Variants in PCSK5 observed in about 807,000 individuals in gnomAD.
PCSK5 encodes the protein prohormone convertase 5.
A neutral mutation model predicts 233.2 loss-of-function variants in PCSK5; 129 were observed. The ratio of observed to expected loss-of-function variants is 0.55; its 90% confidence interval spans 0.48 to 0.64. The LOEUF (loss-of-function observed/expected upper bound fraction) is 0.64. PCSK5 is among the 30% of genes least tolerant of loss of function. The pLI, the probability that PCSK5 is intolerant of heterozygous loss-of-function variation, is 0.00. For synonymous variants in PCSK5, 825 were observed against 879.2 expected, an observed-to-expected ratio of 0.94 and a Z score of 1.09; for missense variants, 2,076 against 2,430.1, an observed-to-expected ratio of 0.85 and a Z score of 3.06.
intron 5 of PCSK5, among the ~76,000 whole-genome samples, chr9:76,056,242 C>T (rs892471848): frequency 6.6e-6 from 1 of 152,150 alleles, no homozygotes; most frequent in Non-Finnish European, 1.5e-5. Flanking sequence ...AATGCAATGT[C>T]AAGGGTAAAG....
chr9:76,143,546 C>A (rs1823314271), intron 10 of PCSK5, among the ~76,000 whole-genome samples: 1 of 142,550 alleles, frequency 7.0e-6, no homozygotes, highest in African/African-American at 2.7e-5. Context: ...ATGTGTGTAA[C>A]AAACTGACTG....
At chr9:75,950,272 A>G (rs1824795662) in intron 2 of PCSK5, among the ~76,000 whole-genome samples, 1 of 151,980 alleles carries the variant, frequency 6.6e-6, no homozygotes, top group Non-Finnish European at 1.5e-5. Context: ...TTGTGTAACA[A>G]GAGATATTAA....
chr9:76,193,469 GCTCTCTTTTTCTTT>G (rs917677316), intron 20 of PCSK5: 10 of 763,668 alleles, frequency 1.3e-5, no homozygotes, highest in African/African-American at 5.5e-5. Flanking sequence ...TTCTTTTCTT[GCTCTCTTTTTCTTT>G]CTCTCTCTCT....
rs1387321391 is a variant in PCSK5 at position 76,173,517 on chromosome 9, T to G, written c.1757-1469T>G. 5.2e-5 allele frequency among the ~76,000 whole-genome samples: 7 copies of G among 133,356 alleles called. No individual in the cohort carries two copies. The East Asian group carries it at 8.3e-4, about 16-fold the overall frequency. 87.5% of individuals were successfully genotyped at this position (133,356 alleles called of 152,430 possible). On this transcript the variant is annotated intron_variant, in intron 13 of 37. Transcript: ENST00000674117. ...TTTCCTTTTTTTTTTTTTTTTTTTT[T>G]TTTTTTTTTTTTTTTACTTTTTGCA...
chr9:76,012,853 C>T (rs1472374282), intron 3 of PCSK5, among the ~76,000 whole-genome samples: 1 of 152,156 alleles, frequency 6.6e-6, no homozygotes, highest in Non-Finnish European at 1.5e-5. Flanking sequence ...TTTTATATTA[C>T]TCCCTGTTTT....
chr9:76,090,011 A>T (rs945822242), intron 7 of PCSK5, among the ~76,000 whole-genome samples: 13 of 152,226 alleles, frequency 8.5e-5, no homozygotes, highest in African/African-American at 2.9e-4. Context: ...TCCTGCATGG[A>T]TTCCACAATA....
rs138220003 is a variant in PCSK5 at position 75,938,939 on chromosome 9, A to G, written c.297+6456A>G. ...TGCAACCTTAAAGTTATTTTTGATC[A>G]TCACCTTCTCAAGAAAGGAAAAACA... On this transcript the variant is annotated intron_variant, in intron 2 of 37. Coordinates refer to ENST00000674117, the MANE Select transcript of PCSK5 (RefSeq NM_001372043.1). 2.9e-3 allele frequency among the ~76,000 whole-genome samples: 437 copies of G among 152,312 alleles called. 3 individuals are homozygous for G. The highest frequency in any genetic ancestry group is 0.014 in the Middle Eastern group (4 of 294).
intron 12 of PCSK5, among the ~76,000 whole-genome samples, chr9:76,160,326 A>G (rs1587701625): frequency 6.6e-6 from 1 of 152,236 alleles, no homozygotes; most frequent in South Asian, 2.1e-4. Flanking sequence ...CATGGGAGAA[A>G]GTTGTTAGCA....
chr9:76,012,465 G>A (rs1016176980), intron 3 of PCSK5, among the ~76,000 whole-genome samples: 9 of 152,168 alleles, frequency 5.9e-5, no homozygotes, highest in South Asian at 2.1e-4. Context: ...CTACTCAACC[G>A]TAGGACTGTA....
chr9:76,086,463 C>T (rs1587608225), intron 7 of PCSK5, among the ~76,000 whole-genome samples: 1 of 152,208 alleles, frequency 6.6e-6, no homozygotes, highest in East Asian at 1.9e-4. Context: ...TCACCTGAGT[C>T]CTGCTGAGGC....
chr9:75,894,696 A>AG (rs1488799496), intron 1 of PCSK5, among the ~76,000 whole-genome samples: 1 of 152,036 alleles, frequency 6.6e-6, no homozygotes, highest in African/African-American at 2.4e-5. Flanking sequence ...CAGCCCTCTT[A>AG]GTATCTAGTG....
rs768913619 is a variant in PCSK5 at position 76,359,764 on chromosome 9, A to C, written c.*842A>C. On this transcript the variant is annotated 3_prime_UTR_variant, in exon 38 of 38. Transcript: ENST00000674117. Reference sequence around the variant, plus strand: ...AGAAAAATGGCAGTGTTAACCTAACATAAAATGGAATAAAATGACAAACAC... The same window carrying C: ...AGAAAAATGGCAGTGTTAACCTAACCTAAAATGGAATAAAATGACAAACAC... The C allele has an allele frequency of 6.6e-6, 1 of 152,188 alleles. No homozygotes were observed. The highest frequency in any genetic ancestry group is 1.5e-5 in the Non-Finnish European group (1 of 68,042). The allele number at this position is 152,188 out of a possible 1,614,324, so 9.4% of individuals were successfully genotyped here. A position where few individuals can be genotyped will look rare whatever the true frequency, so the allele number is the denominator to read the frequency against.
intron 5 of PCSK5, among the ~76,000 whole-genome samples, chr9:76,046,539 CTT>C (rs34569367): frequency 7.6e-6 from 1 of 131,912 alleles, no homozygotes; most frequent in African/African-American, 2.8e-5. Context: ...AACTCTAGTT[CTT>C]TTTTTTTCTT....
intron 20 of PCSK5, among the ~76,000 whole-genome samples, chr9:76,220,109 G>A (rs1825676273): frequency 6.6e-6 from 1 of 152,160 alleles, no homozygotes; most frequent in African/African-American, 2.4e-5. Flanking sequence ...CTGTCAAGAA[G>A]CATTTCACAC....
Position 76,302,127 on chromosome 9 carries a change from A to G in PCSK5, c.3524-10A>G. The G allele has an allele frequency of 7.9e-7, 1 of 1,259,770 alleles. No homozygotes were observed. The highest frequency in any genetic ancestry group is 1.0e-6 in the Non-Finnish European group (1 of 959,550). The allele number at this position is 1,259,770 out of a possible 1,614,324, so 78.0% of individuals were successfully genotyped here. A position where few individuals can be genotyped will look rare whatever the true frequency, so the allele number is the denominator to read the frequency against. On this transcript the variant is annotated splice_polypyrimidine_tract_variant and intron_variant, in intron 27 of 37. Transcript: ENST00000674117. The stretch of plus-strand genomic sequence containing the variant: ...AAAAAAACTAAACACTTTTTTTTTT[A>G]ATAAAAAAGAAGCTGTGTCCACTGC...
chr9:75,989,685 T>C (rs1429793447), intron 3 of PCSK5, among the ~76,000 whole-genome samples: 2 of 152,156 alleles, frequency 1.3e-5, no homozygotes. Flanking sequence ...CCTCTCTATG[T>C]GGGCCTCACC....
At chr9:76,206,043 G>T (rs780559018) in intron 20 of PCSK5, among the ~76,000 whole-genome samples, 14 of 152,222 alleles carry the variant, frequency 9.2e-5, no homozygotes, top group African/African-American at 2.9e-4. Flanking sequence ...ATAGAGCAAT[G>T]GCTGTCAGAC....
At chr9:76,113,935 A>G (rs1832325475) in intron 9 of PCSK5, among the ~76,000 whole-genome samples, 1 of 152,084 alleles carries the variant, frequency 6.6e-6, no homozygotes, top group African/African-American at 2.4e-5. Flanking sequence ...CTTTTAAGAG[A>G]GTTTTATTTA....
intron 2 of PCSK5, among the ~76,000 whole-genome samples, chr9:75,972,551 T>C (rs1425105647): frequency 6.6e-6 from 1 of 152,250 alleles, no homozygotes; most frequent in East Asian, 1.9e-4. Context: ...CTGTTTGATT[T>C]TCTTGAGCAG....
Sources: allele counts gnomAD v4.1 joint callset (sites outside exome capture counted in the v4.1 genomes callset), GRCh38; gene constraint gnomAD v4.1.1; transcripts MANE v1.5; gene names NCBI Gene and HGNC (gene_info 2026-07-23, HGNC 2026-07-21).